The following STX8 variants were observed in gnomAD, a reference collection of about 807,000 sequenced individuals.
The protein encoded by STX8 is syntaxin-8.
A neutral mutation model predicts 37.5 loss-of-function variants in STX8; 23 were observed. The ratio of observed to expected loss-of-function variants is 0.61; its 90% confidence interval spans 0.44 to 0.87. The LOEUF (loss-of-function observed/expected upper bound fraction) is 0.87. STX8 is among the 40% of genes least tolerant of loss of function. STX8 has a pLI of 0.00. For missense variants in STX8, 313 were observed against 284.7 expected (o/e 1.10, Z -0.71); for synonymous variants, 115 against 99.1 (o/e 1.16, Z -0.95).
At chr17:9,462,552 T>C (rs1489089824) in intron 6 of STX8, among the ~76,000 whole-genome samples, 1 of 152,078 alleles carries the variant, frequency 6.6e-6, no homozygotes, top group Non-Finnish European at 1.5e-5. Flanking sequence ...TGAAACCCTG[T>C]CTCTACTAAA....
chr17:9,558,427 A>G (rs1597742625), intron 2 of STX8, among the ~76,000 whole-genome samples: 1 of 152,140 alleles, frequency 6.6e-6, no homozygotes, highest in Non-Finnish European at 1.5e-5. Flanking sequence ...CCTCCAAGGC[A>G]CCAGCAGCCA....
At chr17:9,491,453 T>C (rs1366666502) in intron 6 of STX8, among the ~76,000 whole-genome samples, 1 of 152,084 alleles carries the variant, frequency 6.6e-6, no homozygotes, top group Non-Finnish European at 1.5e-5. Context: ...GCCTGGTACA[T>C]AGGATCGAAG....
intron 7 of STX8, among the ~76,000 whole-genome samples, chr17:9,352,181 A>G (rs971216928): frequency 6.6e-6 from 1 of 151,584 alleles, no homozygotes; most frequent in African/African-American, 2.4e-5. Context: ...ACAACAAAAA[A>G]AAACTTGGGG....
intron 6 of STX8, among the ~76,000 whole-genome samples, chr17:9,479,223 T>A (rs1161944341): frequency 6.6e-6 from 1 of 152,052 alleles, no homozygotes; most frequent in Non-Finnish European, 1.5e-5. Context: ...AAAAAATATA[T>A]ATACTTAATA....
At chr17:9,309,798 C>T (rs1909128981) in intron 7 of STX8, among the ~76,000 whole-genome samples, 1 of 152,058 alleles carries the variant, frequency 6.6e-6, no homozygotes, top group Non-Finnish European at 1.5e-5. Flanking sequence ...AGGAAAAGTA[C>T]AAATATTAAA....
chr17:9,251,006 C>T (rs77983280), intron 7 of STX8, among the ~76,000 whole-genome samples: 1,851 of 152,258 alleles, frequency 0.012, 35 homozygotes, highest in African/African-American at 0.041. Context: ...GCATTGATGA[C>T]GCATTGATAA....
intron 6 of STX8, among the ~76,000 whole-genome samples, chr17:9,481,783 T>C (rs112730446): frequency 0.025 from 3,784 of 152,228 alleles, 138 homozygotes; most frequent in African/African-American, 0.084. Context: ...AGATCAGCAG[T>C]GGCATTAGAT....
intron 6 of STX8, among the ~76,000 whole-genome samples, chr17:9,404,137 A>G (rs2315139): frequency 0.57 from 86,384 of 151,960 alleles, 25,088 homozygotes; most frequent in East Asian, 0.77. Context: ...AAAATATATT[A>G]CCAATTTATT....
chr17:9,521,735 C>T (rs1412620002), intron 4 of STX8, among the ~76,000 whole-genome samples: 1 of 152,046 alleles, frequency 6.6e-6, no homozygotes, highest in Non-Finnish European at 1.5e-5. Flanking sequence ...AACATTGTGC[C>T]GACTGCAAAG....
intron 6 of STX8, among the ~76,000 whole-genome samples, chr17:9,415,630 G>A (rs568537505): frequency 1.3e-4 from 20 of 152,062 alleles, no homozygotes; most frequent in Non-Finnish European, 2.1e-4. Context: ...TTAGCCGGGC[G>A]TGGTGGCAGG....
chr17:9,479,333 A>C (rs1906221714), intron 6 of STX8, among the ~76,000 whole-genome samples: 1 of 152,082 alleles, frequency 6.6e-6, no homozygotes, highest in Non-Finnish European at 1.5e-5. Flanking sequence ...CAGGAGTTTG[A>C]GATCAGCCTG....
rs193189836 is a variant in STX8, at chr17:9,568,578, G to A, written c.18-108C>T. 5.3e-4 allele frequency: 426 copies of A among 810,942 alleles called. 5 individuals are homozygous for A. The highest frequency in any genetic ancestry group is 4.4e-3 in the African/African-American group (252 of 57,550). The allele number at this position is 810,942 out of a possible 1,614,324, so 50.2% of individuals were successfully genotyped here. ...TGCAGTGGCACGATCTCAGCTCACTGCAAGCTCTGCCTCCTGGGTTCGCAC... is the reference window on the plus strand; with the variant it reads ...TGCAGTGGCACGATCTCAGCTCACTACAAGCTCTGCCTCCTGGGTTCGCAC... On this transcript the variant is annotated intron_variant, in intron 1 of 7. Transcript: ENST00000306357.
chr17:9,271,714 C>T lies in STX8; in HGVS notation c.644-21069G>A, dbSNP rs529588124. Among the ~76,000 whole-genome samples the T allele has an allele frequency of 2.8e-5, 4 of 145,216 alleles. No homozygotes were observed. The East Asian group carries it at 8.1e-4, about 29-fold the overall frequency. On this transcript the variant is annotated intron_variant, in intron 7 of 7. Transcript: ENST00000306357. ...GCAGTGAGCCAAGATTGTGCCACTG[C>T]ACTCCAGCCTGGCTATAGAGCAAGA... is the stretch of plus-strand genomic sequence containing the variant.
rs1336004424 is a variant in STX8 at position 9,298,440 on chromosome 17, G to A, written c.644-47795C>T. ...TCCAACATCTTCCTTCCACTGCCAC[G>A]TGCACTCCTGCTTTGTCTTTCCCTC... On this transcript the variant is annotated intron_variant, in intron 7 of 7. Transcript: ENST00000306357. 5.3e-5 allele frequency among the ~76,000 whole-genome samples: 8 copies of A among 152,186 alleles called. No individual in the cohort carries two copies. The South Asian group carries it at 1.2e-3, about 24-fold the overall frequency.
chr17:9,330,458 G>A (rs377193298), intron 7 of STX8, among the ~76,000 whole-genome samples: 4 of 152,276 alleles, frequency 2.6e-5, no homozygotes, highest in South Asian at 2.1e-4. Context: ...CAAAGCCTCC[G>A]AGGATGCTGG....
At chr17:9,434,021 T>TG (rs1192513326) in intron 6 of STX8, among the ~76,000 whole-genome samples, 1 of 146,840 alleles carries the variant, frequency 6.8e-6, no homozygotes, top group Non-Finnish European at 1.5e-5. Context: ...CTTTTTTTTT[T>TG]GAGACGGAGG....
At chr17:9,340,767 C>G (rs1385627961) in intron 7 of STX8, among the ~76,000 whole-genome samples, 1 of 141,834 alleles carries the variant, frequency 7.1e-6, no homozygotes, top group East Asian at 2.2e-4. Context: ...AAGCGATTCT[C>G]CTGCCTCAGC....
chr17:9,550,394 C>G (rs1299463489), intron 3 of STX8, among the ~76,000 whole-genome samples: 2 of 151,796 alleles, frequency 1.3e-5, no homozygotes, highest in Non-Finnish European at 2.9e-5. Flanking sequence ...GCTGATTGTA[C>G]ATGTAATTAT....
Position 9,253,204 on chromosome 17 carries a change from AGG to A in STX8, c.644-2561_644-2560del, listed in dbSNP as rs770999814. Reference sequence around the variant, plus strand: ...ATGCTTGCAGCAAGAAGGCAGGGGTAGGGGTGTGTGTGTGTGTGTGTGTGTGT... The same window carrying A: ...ATGCTTGCAGCAAGAAGGCAGGGGTAGGTGTGTGTGTGTGTGTGTGTGTGT... On this transcript the variant is annotated intron_variant, in intron 7 of 7. Transcript: ENST00000306357. 5.0e-3 allele frequency among the ~76,000 whole-genome samples: 267 copies of A among 53,288 alleles called. 1 individual carries two copies. The highest frequency in any genetic ancestry group is 0.013 in the African/African-American group (234 of 17,644). The allele number at this position is 53,288 out of a possible 152,430, so 35.0% of individuals were successfully genotyped here.
Sources: allele counts gnomAD v4.1 joint callset (sites outside exome capture counted in the v4.1 genomes callset), GRCh38; gene constraint gnomAD v4.1.1; transcripts MANE v1.5; gene names NCBI Gene and HGNC (gene_info 2026-07-23, HGNC 2026-07-21).